CYFIP2: variants seen among roughly 807,000 people sequenced by gnomAD.
The protein encoded by CYFIP2 is cytoplasmic FMR1-interacting protein 2.
A neutral mutation model predicts 158.7 loss-of-function variants in CYFIP2; 29 were observed. That is an observed-to-expected ratio of 0.18 (90% confidence interval 0.14 to 0.25). The LOEUF is 0.25. Ranked by LOEUF, CYFIP2 falls within the 10% of genes least tolerant of loss-of-function variation. The pLI is 1.00. For missense variants in CYFIP2, 852 were observed against 1,639.5 expected (o/e 0.52, Z 8.29); for synonymous variants, 585 against 617.6 (o/e 0.95, Z 0.78).
At position 157,389,236 on chromosome 5, in the gene CYFIP2, G is replaced by A; in HGVS notation, c.3255G>A (p.Leu1085=). The A allele has an allele frequency of 6.2e-7, 1 of 1,613,972 alleles. No homozygotes were observed. The highest frequency in any genetic ancestry group is 8.5e-7 in the Non-Finnish European group (1 of 1,179,834). The change falls in exon 29 of 31, where the codon CTG becomes CTA. Residue 1085 remains leucine (L), a synonymous_variant. Transcript: ENST00000620254. ...REGDLLTKER[L]CCGLSMFEVI... is the part of the protein sequence containing the mutation. Reference sequence around the variant, plus strand: ...GTGACCTCCTGACCAAGGAGCGGCTGTGCTGTGGCCTGTCCATGTTCGAGG... The same window carrying A: ...GTGACCTCCTGACCAAGGAGCGGCTATGCTGTGGCCTGTCCATGTTCGAGG...
At chr5:157,320,969 A>G (rs1238695504) in intron 15 of CYFIP2, among the ~76,000 whole-genome samples, 167 bp downstream of exon 15, 6 of 152,302 alleles carry the variant, frequency 3.9e-5, no homozygotes, top group Admixed American at 3.3e-4. Context: ...TGATATAGGA[A>G]GGAGGACCAC....
chr5:157,279,017 G>A (rs1006280513), intron 1 of CYFIP2, among the ~76,000 whole-genome samples: 2 of 152,170 alleles, frequency 1.3e-5, no homozygotes, highest in Admixed American at 6.5e-5. Flanking sequence ...CTATTGCCCA[G>A]TGGGAGCTTT....
intron 6 of CYFIP2, among the ~76,000 whole-genome samples, chr5:157,301,986 CAGCA>C (rs1758789490): frequency 1.3e-5 from 2 of 152,166 alleles, no homozygotes; most frequent in South Asian, 4.1e-4. Context: ...TGGTGGTGTC[CAGCA>C]GGCTGGGCCC....
chr5:157,285,946 CAGATTGTTCCAAACT>C (rs1757342299), intron 2 of CYFIP2, among the ~76,000 whole-genome samples: 1 of 152,212 alleles, frequency 6.6e-6, no homozygotes, highest in Non-Finnish European at 1.5e-5. Flanking sequence ...AAACCACCAT[CAGATTGTTCCAAACT>C]ATGACCTATC....
chr5:157,285,926 A>G (rs1757339661), intron 2 of CYFIP2, among the ~76,000 whole-genome samples: 1 of 152,224 alleles, frequency 6.6e-6, no homozygotes, highest in African/African-American at 2.4e-5. Context: ...AAGAGAGCAA[A>G]GCTTGTGATA....
intron 23 of CYFIP2, among the ~76,000 whole-genome samples, chr5:157,352,488 G>C (rs1763137143): frequency 6.6e-6 from 1 of 152,134 alleles, no homozygotes; most frequent in Non-Finnish European, 1.5e-5. Context: ...CCACCCTTCT[G>C]TCTGCATGGT....
rs1374759018 is a variant in CYFIP2, at chr5:157,285,515, A to G, written c.117+37A>G. 4.6e-6 allele frequency: 7 copies of G among 1,526,318 alleles called. No individual in the cohort carries two copies. The African/African-American group carries it at 6.9e-5, about 15-fold the overall frequency. The allele number at this position is 1,526,318 out of a possible 1,614,324, so 94.5% of individuals were successfully genotyped here. On this transcript the variant is annotated intron_variant, in intron 2 of 30. Transcript: ENST00000620254. ...GGTAGATAGCACCAGGGGGCCCAGGAATTCTGGGGATCCCCTAAGAGAGTT... is the reference window on the plus strand; with the variant it reads ...GGTAGATAGCACCAGGGGGCCCAGGGATTCTGGGGATCCCCTAAGAGAGTT...
chr5:157,339,168 G>A lies in CYFIP2; in HGVS notation c.2497G>A (p.Ala833Thr), dbSNP rs377031549. The change falls in exon 22 of 31, where the codon GCC (alanine) becomes ACC (threonine). Residue 833 changes from alanine (A) to threonine (T), a missense_variant. Physicochemically the swap from Ala to Thr is moderately conservative, Grantham distance 58. Around this residue, in one of 8 missense-constraint regions of CYFIP2, gnomAD observed 191 missense variants for 311.2 expected, o/e 0.61. Transcript: ENST00000620254. ...MFREANHNVS[A>T]PYGRITLHVF... ...CCGAGAGGCCAATCACAATGTGTCC[G>A]CCCCCTATGGCCGTATCACCCTGCA... 56 of 1,613,944 alleles carry A rather than the reference G, an allele frequency of 3.5e-5. No individual in the cohort carries two copies. Among genetic ancestry groups the A allele is most frequent in the Non-Finnish European group, 4.4e-5 (52 of 1,179,896 alleles).
At chr5:157,357,448 G>A (rs1212514132) in intron 23 of CYFIP2, among the ~76,000 whole-genome samples, 1 of 152,184 alleles carries the variant, frequency 6.6e-6, no homozygotes, top group Non-Finnish European at 1.5e-5. Context: ...GAATTTCAGT[G>A]AATGGAATAT....
At chr5:157,302,052 C>T (rs914566954) in intron 6 of CYFIP2, among the ~76,000 whole-genome samples, 1 of 152,212 alleles carries the variant, frequency 6.6e-6, no homozygotes, top group Middle Eastern at 3.2e-3. Flanking sequence ...TTATGGGTAG[C>T]TTATTGCATA....
At position 157,309,730 on chromosome 5, in the gene CYFIP2, G is replaced by A. The variant is rs1235904449; in HGVS notation, c.901-13G>A. 6.3e-7 allele frequency: 1 copy of A among 1,592,088 alleles called. No individual in the cohort carries two copies. Among genetic ancestry groups the A allele is most frequent in the Non-Finnish European group, 8.6e-7 (1 of 1,169,274 alleles). On this transcript the variant is annotated splice_polypyrimidine_tract_variant and intron_variant, in intron 9 of 30. Coordinates refer to ENST00000620254, the MANE Select transcript of CYFIP2 (RefSeq NM_001037333.3). ...CCTCAGCATCTCACGAGCTGTGTTT[G>A]CTTCCTTTGCAGCAGCTGCAGGTGG...
chr5:157,327,417 T>C (rs1419142014), intron 18 of CYFIP2, among the ~76,000 whole-genome samples: 3 of 151,736 alleles, frequency 2.0e-5, no homozygotes, highest in Admixed American at 6.6e-5. Context: ...ATACAAAAAT[T>C]AGCCAGGCAT....
At chr5:157,327,045 A>T (rs924197052) in intron 18 of CYFIP2, among the ~76,000 whole-genome samples, 2 of 152,316 alleles carry the variant, frequency 1.3e-5, no homozygotes, top group South Asian at 4.1e-4. Context: ...TTTGACTCTT[A>T]CCTAGCTACT....
intron 1 of CYFIP2, among the ~76,000 whole-genome samples, chr5:157,280,046 AG>A (rs1318434560): frequency 6.6e-6 from 1 of 152,222 alleles, no homozygotes; most frequent in Non-Finnish European, 1.5e-5. Context: ...TGTATTTGCC[AG>A]GGGAGAAGAA....
intron 22 of CYFIP2, among the ~76,000 whole-genome samples, chr5:157,340,733 G>A (rs962824456): frequency 1.6e-4 from 24 of 152,150 alleles, no homozygotes; most frequent in Non-Finnish European, 3.4e-4. Flanking sequence ...AGAGTTTGCT[G>A]AACTCTGCTC....
At chr5:157,359,527 C>T (rs1461297283) in intron 24 of CYFIP2, among the ~76,000 whole-genome samples, 21 of 152,208 alleles carry the variant, frequency 1.4e-4, no homozygotes, top group Admixed American at 1.0e-3. Context: ...CCATTTTCCA[C>T]GCCCTTACCC....
chr5:157,285,356 G>A lies in CYFIP2; in HGVS notation c.-6G>A. ...CCCTTCAGTGCAGAATACAGAAACT[G>A]CAGCCATGACCACGCACGTCACCCT... On this transcript the variant is annotated 5_prime_UTR_variant, in exon 2 of 31. Coordinates refer to ENST00000620254, the MANE Select transcript of CYFIP2 (RefSeq NM_001037333.3). 1 of 1,559,108 alleles carries A rather than the reference G, an allele frequency of 6.4e-7. No individual in the cohort carries two copies. The highest frequency in any genetic ancestry group is 8.7e-7 in the Non-Finnish European group (1 of 1,151,214).
At chr5:157,375,390 G>A (rs904210757) in intron 26 of CYFIP2, among the ~76,000 whole-genome samples, 1 of 152,198 alleles carries the variant, frequency 6.6e-6, no homozygotes, top group Non-Finnish European at 1.5e-5. Flanking sequence ...AGGCCAAGGG[G>A]AAGGGCAGGG....
intron 19 of CYFIP2, among the ~76,000 whole-genome samples, chr5:157,329,754 T>C (rs942373307): frequency 6.6e-6 from 1 of 152,246 alleles, no homozygotes; most frequent in African/African-American, 2.4e-5. Flanking sequence ...CCCATCTCAA[T>C]TTGGACCAGC....
Sources: gnomAD v4.1 joint callset for allele counts (sites outside exome capture counted in the v4.1 genomes callset) on GRCh38, gnomAD v4.1.1 for gene constraint, gnomAD v4.1.1 regional missense constraint, MANE v1.5 for transcripts, NCBI Gene and HGNC (gene_info 2026-07-23, HGNC 2026-07-21) for gene names.